OCM: variants seen among roughly 807,000 people sequenced by gnomAD.
OCM encodes the protein oncomodulin, also known as oncomodulin-1.
In OCM, 18 loss-of-function variants were observed where a neutral mutation model predicts 14.1. The observed-to-expected ratio is 1.28, with a 90% CI of 0.88 to 1.89. The LOEUF (loss-of-function observed/expected upper bound fraction) is 1.89, where lower values mean the gene tolerates loss of function less well. Ranked by LOEUF, OCM falls within the 40% of genes most tolerant of loss-of-function variation. OCM has a pLI of 0.00. For missense variants in OCM, 140 were observed against 137.6 expected, an observed-to-expected ratio of 1.02 and a Z score of -0.09; for synonymous variants, 48 against 51.0, an observed-to-expected ratio of 0.94 and a Z score of 0.25.
At chr7:5,871,543 T>C in the OCM span, among the ~76,000 whole-genome samples, 8 of 152,014 alleles carry the variant, frequency 5.3e-5, no homozygotes, top group African/African-American at 1.9e-4. Flanking sequence ...GTTGTTGCCA[T>C]GGTTAAATGA....
At chr7:5,866,159 A>C in the OCM span, among the ~76,000 whole-genome samples, 38,347 of 146,450 alleles carry the variant, frequency 0.26, 6,162 homozygotes, top group African/African-American at 0.47. Flanking sequence ...CAGTCTCTAC[A>C]AAAAAAAAAA....
chr7:5,872,528 A>C, the OCM span, among the ~76,000 whole-genome samples: 1 of 152,194 alleles, frequency 6.6e-6, no homozygotes, highest in Non-Finnish European at 1.5e-5. Context: ...CTGGATGCAG[A>C]AACTCAGATT....
chr7:5,871,968 C>T, the OCM span: 1 of 152,318 alleles, frequency 6.6e-6, no homozygotes, highest in South Asian at 2.1e-4. Flanking sequence ...CGCCCTGCTG[C>T]CCAGAGCTCC....
In OCM at chr7:5,886,243, C is replaced by T. The variant is rs957388074; in HGVS notation, c.*154C>T. 121 of 1,093,608 alleles carry T rather than the reference C, an allele frequency of 1.1e-4. No individual in the cohort carries two copies. The Middle Eastern group carries it at 2.4e-3, about 22-fold the overall frequency. 67.7% of individuals were successfully genotyped at this position (1,093,608 alleles called of 1,614,324 possible). A position where few individuals can be genotyped will look rare whatever the true frequency, so the allele number is the denominator to read the frequency against. ...TTTGCTCATTGTTTTAGTGAGGTCACGAGGGAGTCACTCCTGACTTTCTTG... is the reference window on the plus strand; with the variant it reads ...TTTGCTCATTGTTTTAGTGAGGTCATGAGGGAGTCACTCCTGACTTTCTTG... On this transcript the variant is annotated 3_prime_UTR_variant, in exon 4 of 4. Coordinates refer to ENST00000242104, the MANE Select transcript of OCM (RefSeq NM_001097622.2).
At chr7:5,860,669 C>CGT in the OCM span, among the ~76,000 whole-genome samples, 9 of 89,146 alleles carry the variant, frequency 1.0e-4, 4 homozygotes, top group Non-Finnish European at 1.6e-4. Context: ...CGTATATATA[C>CGT]GTGTATATAT....
intron 1 of OCM, among the ~76,000 whole-genome samples, chr7:5,882,021 A>C (rs1386220272): frequency 1.5e-5 from 2 of 133,144 alleles, no homozygotes; most frequent in Non-Finnish European, 3.1e-5. Context: ...CGGGAGGCAG[A>C]GGTTGCAGTG....
chr7:5,869,639 G>C, the OCM span, among the ~76,000 whole-genome samples: 1 of 151,922 alleles, frequency 6.6e-6, no homozygotes, highest in Non-Finnish European at 1.5e-5. Flanking sequence ...CTGCAGCACT[G>C]TATCCTCCCC....
the OCM span, among the ~76,000 whole-genome samples, chr7:5,874,492 A>G: frequency 6.6e-6 from 1 of 151,968 alleles, no homozygotes; most frequent in Non-Finnish European, 1.5e-5. Context: ...GAAATTTACC[A>G]TCTTAATAAT....
At chr7:5,866,437 CAAGG>C in the OCM span, among the ~76,000 whole-genome samples, 685 of 81,738 alleles carry the variant, frequency 8.4e-3, 3 homozygotes, top group Middle Eastern at 0.019. Context: ...AGGGGGAAGA[CAAGG>C]AGGGAAGAAG....
At chr7:5,878,759 A>AC (rs201616398), upstream of OCM, among the ~76,000 whole-genome samples, 1,156 of 151,784 alleles carry the variant, frequency 7.6e-3, 30 homozygotes, top group African/African-American at 0.027. Flanking sequence ...AAAAACAAAA[A>AC]AAAAAAATGG....
At chr7:5,883,448 G>T (rs113750949) in intron 2 of OCM, among the ~76,000 whole-genome samples, 43 of 152,114 alleles carry the variant, frequency 2.8e-4, no homozygotes, top group Non-Finnish European at 1.8e-4. Context: ...GGGAGGCTGA[G>T]GTGGGTGGAT....
the OCM span, among the ~76,000 whole-genome samples, chr7:5,861,972 A>T: frequency 2.0e-5 from 3 of 152,066 alleles, no homozygotes; most frequent in African/African-American, 7.2e-5. Context: ...CGAACATTGC[A>T]CACTACAGCC....
the OCM span, among the ~76,000 whole-genome samples, chr7:5,870,887 G>A: frequency 3.1e-5 from 4 of 128,386 alleles, no homozygotes; most frequent in Non-Finnish European, 5.0e-5. Flanking sequence ...GCTAATTGAT[G>A]AGTATCTTTT....
At chr7:5,885,822 G>A (rs1025434831) in intron 3 of OCM, among the ~76,000 whole-genome samples, 2 of 152,040 alleles carry the variant, frequency 1.3e-5, no homozygotes, top group East Asian at 1.9e-4. Flanking sequence ...TTTTGGCCAG[G>A]ATGGTTTCGA....
the OCM span, among the ~76,000 whole-genome samples, chr7:5,864,236 G>C: frequency 6.6e-5 from 10 of 151,268 alleles, no homozygotes; most frequent in South Asian, 2.1e-4. Context: ...CTCCTGGTTG[G>C]GGGGGATGCT....
rs748819550 is a variant in OCM, at chr7:5,883,956, G to A, written c.261G>A (p.Met87Ile). The A allele has an allele frequency of 3.1e-6, 5 of 1,613,510 alleles. No homozygotes were observed. Among genetic ancestry groups the A allele is most frequent in the Non-Finnish European group, 3.4e-6 (4 of 1,179,698 alleles). ...CCGAGTCAGAAACCAAGTCCTTGAT[G>A]GCTGCGGCGGATAATGATGGAGATG... ...ELTESETKSL[M>I]AAADNDGDGK... Residue 87 changes from methionine to isoleucine, a missense_variant, in exon 3 of 4, where the codon ATG becomes ATA. Physicochemically the swap from Met to Ile is conservative, Grantham distance 10. Coordinates refer to ENST00000242104, the MANE Select transcript of OCM (RefSeq NM_001097622.2).
rs369323709 is a variant in OCM at position 5,880,877 on chromosome 7, G to A, written c.-13G>A. ...TTATCGCCTCTCATTTATTCTGTGTGAGTAGGTAGAAAATGAGCATCACGG... is the reference window on the plus strand; with the variant it reads ...TTATCGCCTCTCATTTATTCTGTGTAAGTAGGTAGAAAATGAGCATCACGG... On this transcript the variant is annotated 5_prime_UTR_variant, in exon 1 of 4. Coordinates refer to ENST00000242104, the MANE Select transcript of OCM (RefSeq NM_001097622.2). The A allele has an allele frequency of 2.7e-4, 434 of 1,613,538 alleles. No individual in the cohort carries two copies. The highest frequency in any genetic ancestry group is 3.6e-4 in the Non-Finnish European group (419 of 1,179,636).
At chr7:5,876,851 G>A (rs1351744870), upstream of OCM, among the ~76,000 whole-genome samples, 1 of 151,384 alleles carries the variant, frequency 6.6e-6, no homozygotes, top group Non-Finnish European at 1.5e-5. Context: ...TGTGGCCCAG[G>A]CCAGAGTGCA....
At chr7:5,882,916 C>G (rs1325439585) in intron 2 of OCM, among the ~76,000 whole-genome samples, 1 of 151,096 alleles carries the variant, frequency 6.6e-6, no homozygotes, top group Non-Finnish European at 1.5e-5. Flanking sequence ...GATCTCAGCT[C>G]CCTGCAGCCT....
Sources: gnomAD v4.1 joint callset for allele counts (sites outside exome capture counted in the v4.1 genomes callset) on GRCh38, gnomAD v4.1.1 for gene constraint, MANE v1.5 for transcripts, NCBI Gene and HGNC (gene_info 2026-07-23, HGNC 2026-07-21) for gene names.